Variants in LRRC7 observed in about 807,000 individuals in gnomAD.
LRRC7 encodes leucine-rich repeat-containing protein 7.
A neutral mutation model predicts 175.7 loss-of-function variants in LRRC7; 23 were observed. The ratio of observed to expected loss-of-function variants is 0.13; its 90% CI spans 0.09 to 0.19. The LOEUF (loss-of-function observed/expected upper bound fraction) is 0.19, where lower values mean the gene tolerates loss of function less well. LRRC7 is among the 10% of genes least tolerant of loss of function. The pLI, the probability that LRRC7 is intolerant of heterozygous loss-of-function variation, is 1.00. For synonymous variants in LRRC7, 685 were observed against 680.9 expected (o/e 1.01, Z -0.09); for missense variants, 1,354 against 1,904.7 (o/e 0.71, Z 5.38).
chr1:69,616,112 A>G (rs1425598124), intron 1 of LRRC7, among the ~76,000 whole-genome samples: 8 of 152,114 alleles, frequency 5.3e-5, no homozygotes, highest in Admixed American at 5.3e-4. Context: ...ATTGTGAAGT[A>G]TACAAGAAAG....
At chr1:69,662,216 C>G (rs1657573061) in intron 1 of LRRC7, among the ~76,000 whole-genome samples, 1 of 152,058 alleles carries the variant, frequency 6.6e-6, no homozygotes, top group African/African-American at 2.4e-5. Flanking sequence ...ACCATAAGCT[C>G]ATTAGTACTG....
intron 7 of LRRC7, among the ~76,000 whole-genome samples, chr1:69,917,078 G>T (rs143845595): frequency 2.0e-5 from 3 of 152,098 alleles, no homozygotes; most frequent in African/African-American, 7.2e-5. Context: ...CATGTATAAT[G>T]TAACTATAGA....
chr1:69,781,705 A>G (rs1673555181), intron 3 of LRRC7, among the ~76,000 whole-genome samples: 2 of 27,426 alleles, frequency 7.3e-5, no homozygotes, highest in Admixed American at 4.1e-4. Context: ...GAAAGAAAGA[A>G]AGAAAGAAAG....
intron 2 of LRRC7, among the ~76,000 whole-genome samples, chr1:69,758,815 C>T (rs1670718966): frequency 6.6e-6 from 1 of 151,936 alleles, no homozygotes; most frequent in Non-Finnish European, 1.5e-5. Flanking sequence ...CCAAATTTGA[C>T]TTAACATGAG....
chr1:69,733,422 T>G (rs1667788222), intron 2 of LRRC7, among the ~76,000 whole-genome samples: 1 of 152,050 alleles, frequency 6.6e-6, no homozygotes, highest in African/African-American at 2.4e-5. Context: ...AGTAATTTTA[T>G]TTTAGTCCTC....
At chr1:69,708,549 G>C (rs1035749779) in intron 2 of LRRC7, among the ~76,000 whole-genome samples, 9 of 152,168 alleles carry the variant, frequency 5.9e-5, no homozygotes, top group African/African-American at 1.9e-4. Flanking sequence ...TTAGTTATTA[G>C]TGTAATAGTG....
chr1:69,621,381 AC>A (rs1426529287), intron 1 of LRRC7, among the ~76,000 whole-genome samples: 2 of 152,082 alleles, frequency 1.3e-5, no homozygotes, highest in Non-Finnish European at 2.9e-5. Flanking sequence ...TGACTGTTCC[AC>A]ATCAGAGTCT....
In LRRC7 at chr1:69,718,142, G is replaced by GAAAGAAAGAA. The variant is rs1553146139; in HGVS notation, c.100+39665_100+39666insAAGAAAGAAA. The stretch of plus-strand genomic sequence containing the variant: ...GAAAGAAAGAAAAGAAAGAAAGAGA[G>GAAAGAAAGAA]AGAAAGAAAGAAAGAAAGAAAGAAA... On this transcript the variant is annotated intron_variant, in intron 2 of 26. Transcript: ENST00000651989. 1.9e-3 allele frequency among the ~76,000 whole-genome samples: 142 copies of GAAAGAAAGAA among 73,754 alleles called. 2 individuals carry two copies. Among genetic ancestry groups the GAAAGAAAGAA allele is most frequent in the South Asian group, 8.5e-3 (15 of 1,756 alleles). 48.4% of individuals were successfully genotyped at this position (73,754 alleles called of 152,430 possible).
At chr1:69,926,994 A>G (rs6674750) in intron 7 of LRRC7, among the ~76,000 whole-genome samples, 151,998 of 152,298 alleles carry the variant, frequency 1, 75,850 homozygotes, top group Non-Finnish European at 1. Flanking sequence ...GTCTTTTAGG[A>G]CAGGCCTGGT....
chr1:70,105,817 A>ATAT (rs1396178635), intron 25 of LRRC7, among the ~76,000 whole-genome samples: 1 of 152,172 alleles, frequency 6.6e-6, no homozygotes, highest in African/African-American at 2.4e-5. Flanking sequence ...AAAGTTATAC[A>ATAT]GTTTTCTAGA....
At chr1:70,110,232 T>C (rs1665432690) in intron 26 of LRRC7, among the ~76,000 whole-genome samples, 2 of 151,964 alleles carry the variant, frequency 1.3e-5, no homozygotes. Context: ...ATTTAAAAAT[T>C]AACCAGGTGC....
At chr1:69,807,054 C>A (rs1032390893) in intron 4 of LRRC7, among the ~76,000 whole-genome samples, 3 of 152,034 alleles carry the variant, frequency 2.0e-5, no homozygotes, top group Non-Finnish European at 2.9e-5. Flanking sequence ...TATGTAATGT[C>A]CTTCTTTGTC....
chr1:70,073,767 A>G (rs1356032122), intron 23 of LRRC7, among the ~76,000 whole-genome samples: 1 of 152,232 alleles, frequency 6.6e-6, no homozygotes, highest in Non-Finnish European at 1.5e-5. Flanking sequence ...GTGGAAGCAG[A>G]TATAAACTTA....
chr1:70,141,458 G>C lies in LRRC7; in HGVS notation c.*19571G>C, dbSNP rs1158710043. On this transcript the variant is annotated 3_prime_UTR_variant, in exon 27 of 27. Coordinates refer to ENST00000651989, the MANE Select transcript of LRRC7 (RefSeq NM_001370785.2). ...GGCTTGGCACTAAATTATAGGCCTA[G>C]CAATCCTAAATCTCCTATGTCCTCA... The C allele has an allele frequency of 6.6e-6, 1 of 151,900 alleles. No individual in the cohort carries two copies. Among genetic ancestry groups the C allele is most frequent in the Non-Finnish European group, 1.5e-5 (1 of 67,942 alleles). The allele number at this position is 151,900 out of a possible 1,614,324, so 9.4% of individuals were successfully genotyped here.
intron 23 of LRRC7, among the ~76,000 whole-genome samples, chr1:70,071,561 G>T (rs921112771): frequency 6.6e-6 from 1 of 152,012 alleles, no homozygotes; most frequent in African/African-American, 2.4e-5. Context: ...TGTTATTGTT[G>T]TTTTATAAAA....
intron 25 of LRRC7, 27 bp downstream of exon 25, chr1:70,089,846 T>TA: frequency 6.8e-7 from 1 of 1,469,604 alleles, no homozygotes; most frequent in Non-Finnish European, 9.4e-7. Context: ...TTGTTGACAA[T>TA]ATTAATTAGA....
At chr1:69,841,560 G>A (rs914497294) in intron 7 of LRRC7, among the ~76,000 whole-genome samples, 2 of 151,978 alleles carry the variant, frequency 1.3e-5, no homozygotes, top group South Asian at 2.1e-4. Context: ...GCAGAAGGCC[G>A]ATGCACACAA....
chr1:70,111,906 C>T (rs1471671904), intron 26 of LRRC7, among the ~76,000 whole-genome samples: 1 of 151,980 alleles, frequency 6.6e-6, no homozygotes, highest in African/African-American at 2.4e-5. Context: ...TAGATTTTGC[C>T]AATAACCAAA....
chr1:70,059,344 C>T (rs559636851), intron 23 of LRRC7, among the ~76,000 whole-genome samples: 6 of 152,266 alleles, frequency 3.9e-5, no homozygotes, highest in Admixed American at 6.5e-5. Flanking sequence ...AAACTTACCT[C>T]TTATGCTGAA....
Sources: allele counts gnomAD v4.1 joint callset (sites outside exome capture counted in the v4.1 genomes callset), GRCh38; gene constraint gnomAD v4.1.1; transcripts MANE v1.5; gene names NCBI Gene and HGNC (gene_info 2026-07-23, HGNC 2026-07-21).